The following HS6ST3 variants were observed in gnomAD, a reference collection of about 807,000 sequenced individuals.
HS6ST3 encodes the protein heparan-sulfate 6-O-sulfotransferase 3.
In HS6ST3, 12 loss-of-function variants were observed where a neutral mutation model predicts 36.7. The ratio of observed to expected loss-of-function variants is 0.33; its 90% CI spans 0.21 to 0.53. The LOEUF is 0.53. Ranked by LOEUF, HS6ST3 falls within the 20% of genes least tolerant of loss-of-function variation. HS6ST3 has a pLI of 0.95. For synonymous variants in HS6ST3, 240 were observed against 257.5 expected, an observed-to-expected ratio of 0.93 and a Z score of 0.65; for missense variants, 584 against 640.9, an observed-to-expected ratio of 0.91 and a Z score of 0.96.
chr13:96,744,010 T>C (rs11842793), intron 1 of HS6ST3, among the ~76,000 whole-genome samples: 71,970 of 151,716 alleles, frequency 0.47, 17,587 homozygotes, highest in African/African-American at 0.6. Flanking sequence ...CCCAAACCTA[T>C]GCATGTGATT....
intron 1 of HS6ST3, among the ~76,000 whole-genome samples, chr13:96,447,219 G>A (rs565066611): frequency 7.2e-5 from 11 of 152,124 alleles, no homozygotes; most frequent in Middle Eastern, 3.4e-3. Flanking sequence ...AAGGTCATCC[G>A]CTTTCATGCA....
chr13:96,499,679 A>G (rs2055994595), intron 1 of HS6ST3, among the ~76,000 whole-genome samples: 1 of 152,126 alleles, frequency 6.6e-6, no homozygotes, highest in Admixed American at 6.6e-5. Context: ...CAGCATGAAC[A>G]GCCTGGATAA....
At chr13:96,825,605 G>A (rs961345019) in intron 1 of HS6ST3, among the ~76,000 whole-genome samples, 2 of 152,160 alleles carry the variant, frequency 1.3e-5, no homozygotes, top group Admixed American at 6.5e-5. Context: ...TTTAGGTAGA[G>A]ATCTTTAATA....
chr13:96,142,055 A>T (rs961295434), intron 1 of HS6ST3, among the ~76,000 whole-genome samples: 1 of 127,932 alleles, frequency 7.8e-6, no homozygotes. Context: ...AAAAAAAAAA[A>T]GCTGGCCAAG....
At chr13:96,680,091 G>A (rs1335534567) in intron 1 of HS6ST3, among the ~76,000 whole-genome samples, 1 of 152,096 alleles carries the variant, frequency 6.6e-6, no homozygotes, top group Non-Finnish European at 1.5e-5. Context: ...GTGCCTGCAT[G>A]ATGCCAGTGT....
intron 1 of HS6ST3, among the ~76,000 whole-genome samples, chr13:96,420,324 C>T (rs963312093): frequency 6.6e-6 from 1 of 152,048 alleles, no homozygotes; most frequent in Non-Finnish European, 1.5e-5. Flanking sequence ...CTGTGTTATG[C>T]CTGCTTTTCT....
intron 1 of HS6ST3, among the ~76,000 whole-genome samples, chr13:96,298,608 C>T (rs1445798599): frequency 6.6e-6 from 1 of 152,200 alleles, no homozygotes; most frequent in African/African-American, 2.4e-5. Context: ...CTCTAATAGT[C>T]TGCTACCTAA....
rs1237379246 is a variant in HS6ST3 at position 96,338,601 on chromosome 13, T to G, written c.707+247032T>G. Among the ~76,000 whole-genome samples the G allele has an allele frequency of 2.0e-5, 3 of 152,254 alleles. No homozygotes were observed. The East Asian group carries it at 5.8e-4, about 29-fold the overall frequency. Reference sequence around the variant, plus strand: ...TCAGTTGTTCGTATGCTGCCCTACTTCCAGAGACTCCCGGTGCCTCGAATT... The same window carrying G: ...TCAGTTGTTCGTATGCTGCCCTACTGCCAGAGACTCCCGGTGCCTCGAATT... On this transcript the variant is annotated intron_variant, in intron 1 of 1. Transcript: ENST00000376705.
At chr13:96,326,394 T>C (rs1474906638) in intron 1 of HS6ST3, among the ~76,000 whole-genome samples, 5 of 145,434 alleles carry the variant, frequency 3.4e-5, no homozygotes, top group African/African-American at 1.3e-4. Flanking sequence ...GTTCTCGTTG[T>C]TCAGTTCCCA....
At chr13:96,122,700 G>C (rs1394046665) in intron 1 of HS6ST3, among the ~76,000 whole-genome samples, 7 of 152,134 alleles carry the variant, frequency 4.6e-5, no homozygotes. Context: ...CCTGAATGCT[G>C]GGTTATACAA....
At chr13:96,677,095 A>G (rs976272187) in intron 1 of HS6ST3, among the ~76,000 whole-genome samples, 2 of 152,274 alleles carry the variant, frequency 1.3e-5, no homozygotes, top group South Asian at 2.1e-4. Context: ...GGAAATTTTC[A>G]GATTAAGAAA....
rs145648701 is a variant in HS6ST3 at position 96,379,052 on chromosome 13, T to C, written c.707+287483T>C. On this transcript the variant is annotated intron_variant, in intron 1 of 1. Coordinates refer to ENST00000376705, the MANE Select transcript of HS6ST3 (RefSeq NM_153456.4). Reference sequence around the variant, plus strand: ...TTGTGCATATCGAGCCTCCTAAATGTTTTTGTCTTTTTTTAACCATCCTCT... The same window carrying C: ...TTGTGCATATCGAGCCTCCTAAATGCTTTTGTCTTTTTTTAACCATCCTCT... Among the ~76,000 whole-genome samples the C allele has an allele frequency of 1.1e-3, 167 of 152,230 alleles. 1 individual carries two copies. Among genetic ancestry groups the C allele is most frequent in the African/African-American group, 3.9e-3 (161 of 41,532 alleles).
chr13:96,542,380 A>G (rs1000966780), intron 1 of HS6ST3, among the ~76,000 whole-genome samples: 1 of 152,176 alleles, frequency 6.6e-6, no homozygotes, highest in African/African-American at 2.4e-5. Context: ...TAAAATATCT[A>G]TATGCAAAAT....
At chr13:96,720,719 G>T (rs1056868880) in intron 1 of HS6ST3, among the ~76,000 whole-genome samples, 2 of 152,160 alleles carry the variant, frequency 1.3e-5, no homozygotes, top group Non-Finnish European at 2.9e-5. Flanking sequence ...TTGATGCAAA[G>T]CAATATGGAA....
chr13:96,442,286 T>C lies in HS6ST3; in HGVS notation c.707+350717T>C, dbSNP rs1354667900. On this transcript the variant is annotated intron_variant, in intron 1 of 1. Transcript: ENST00000376705. ...ATCTTGGCTTCCCAAAGTGCTGGGA[T>C]TCCAAGCATGAGCCACTGCCCGTGG... Among the ~76,000 whole-genome samples the C allele has an allele frequency of 2.6e-5, 4 of 152,304 alleles. No homozygotes were observed. In the East Asian group the frequency reaches 7.7e-4, roughly 29 times the overall value.
At chr13:96,172,265 C>G (rs1423468018) in intron 1 of HS6ST3, among the ~76,000 whole-genome samples, 16 of 152,166 alleles carry the variant, frequency 1.1e-4, no homozygotes, top group Non-Finnish European at 8.8e-5. Context: ...CTGCCAAAAC[C>G]CAGCTTTGCA....
chr13:96,720,515 CT>C (rs1260275242), intron 1 of HS6ST3, among the ~76,000 whole-genome samples: 1 of 152,112 alleles, frequency 6.6e-6, no homozygotes, highest in Non-Finnish European at 1.5e-5. Context: ...AAGAGAGAGT[CT>C]TTCAGTGACA....
intron 1 of HS6ST3, among the ~76,000 whole-genome samples, chr13:96,395,616 C>G (rs2055416992): frequency 6.6e-6 from 1 of 152,156 alleles, no homozygotes. Flanking sequence ...TCCCCAGTGT[C>G]CCTGTTCTCA....
At chr13:96,590,390 G>A (rs942677009) in intron 1 of HS6ST3, among the ~76,000 whole-genome samples, 3 of 152,044 alleles carry the variant, frequency 2.0e-5, no homozygotes, top group African/African-American at 7.2e-5. Context: ...TTAACTAGGA[G>A]GGAGATGACA....
Sources: gnomAD v4.1 joint callset for allele counts (sites outside exome capture counted in the v4.1 genomes callset) on GRCh38, gnomAD v4.1.1 for gene constraint, MANE v1.5 for transcripts, NCBI Gene and HGNC (gene_info 2026-07-23, HGNC 2026-07-21) for gene names.